The following CYFIP2 variants were observed in gnomAD, a reference collection of about 807,000 sequenced individuals.
CYFIP2 encodes cytoplasmic FMR1-interacting protein 2.
In CYFIP2, 29 loss-of-function variants were observed where a neutral mutation model predicts 158.7. The ratio of observed to expected loss-of-function variants is 0.18; its 90% CI spans 0.14 to 0.25. The LOEUF is 0.25. Ranked by LOEUF, CYFIP2 falls within the 10% of genes least tolerant of loss-of-function variation. CYFIP2 has a pLI of 1.00. For missense variants in CYFIP2, 852 were observed against 1,639.5 expected (o/e 0.52, Z 8.29); for synonymous variants, 585 against 617.6 (o/e 0.95, Z 0.78).
intron 25 of CYFIP2, 117 bp downstream of exon 25, chr5:157,360,489 C>A: frequency 1.4e-6 from 1 of 701,978 alleles, no homozygotes; most frequent in Non-Finnish European, 2.3e-6. Flanking sequence ...TACTGGCTAT[C>A]CATCCTACCC....
chr5:157,328,054 GA>G lies in CYFIP2; in HGVS notation c.2156+8del, dbSNP rs780834816. 9.3e-6 allele frequency: 15 copies of G among 1,613,434 alleles called. No individual in the cohort carries two copies. The highest frequency in any genetic ancestry group is 4.0e-5 in the African/African-American group (3 of 74,908). On this transcript the variant is annotated splice_donor_region_variant and intron_variant, in intron 19 of 30. Transcript: ENST00000620254. Reference sequence around the variant, plus strand: ...CTACAAAGCCATGGCTGGCAGGTAGGAAAGCCCCAGAGCTGTGAGTAGCAAT... The same window carrying G: ...CTACAAAGCCATGGCTGGCAGGTAGGAAGCCCCAGAGCTGTGAGTAGCAAT...
chr5:157,370,820 GAAT>G (rs540153956), intron 26 of CYFIP2, among the ~76,000 whole-genome samples: 44 of 152,196 alleles, frequency 2.9e-4, no homozygotes, highest in Admixed American at 4.6e-4. Context: ...TTCTGATCCA[GAAT>G]AATAATTCTA....
At position 157,393,214 on chromosome 5, in the gene CYFIP2, A is replaced by G. The variant is rs1767490492; in HGVS notation, c.*214A>G. The G allele has an allele frequency of 2.3e-6, 1 of 441,630 alleles. No individual in the cohort carries two copies. Among genetic ancestry groups the G allele is most frequent in the Non-Finnish European group, 3.9e-6 (1 of 253,926 alleles). 27.4% of individuals were successfully genotyped at this position (441,630 alleles called of 1,614,324 possible). A position where few individuals can be genotyped will look rare whatever the true frequency, so the allele number is the denominator to read the frequency against. ...TTTCTCCATAGCATAAATGAAAAAA[A>G]AAAAAAAAAAGTAAACAGGGCAGTG... On this transcript the variant is annotated 3_prime_UTR_variant, in exon 31 of 31. Transcript: ENST00000620254.
intron 6 of CYFIP2, among the ~76,000 whole-genome samples, chr5:157,301,936 G>A (rs995864305): frequency 6.6e-6 from 1 of 152,124 alleles, no homozygotes; most frequent in African/African-American, 2.4e-5. Flanking sequence ...AAAACAGACT[G>A]ATTCTCACAA....
At chr5:157,366,957 C>T (rs1764430662) in intron 26 of CYFIP2, among the ~76,000 whole-genome samples, 1 of 152,192 alleles carries the variant, frequency 6.6e-6, no homozygotes, top group South Asian at 2.1e-4. Flanking sequence ...AGGCCTGAGT[C>T]CCCCGGGAAG....
intron 9 of CYFIP2, among the ~76,000 whole-genome samples, chr5:157,308,372 C>T (rs17051926): frequency 0.13 from 20,359 of 152,102 alleles, 2,190 homozygotes; most frequent in African/African-American, 0.28. Context: ...GGATAGAATG[C>T]CTCAGCAACG....
chr5:157,328,524 T>C (rs575861751), intron 19 of CYFIP2, among the ~76,000 whole-genome samples: 1 of 152,310 alleles, frequency 6.6e-6, no homozygotes, highest in Admixed American at 6.5e-5. Context: ...GATAACAGCA[T>C]GCCAACTTCA....
At chr5:157,385,644 G>A (rs541730361) in intron 28 of CYFIP2, among the ~76,000 whole-genome samples, 3 of 152,204 alleles carry the variant, frequency 2.0e-5, no homozygotes, top group African/African-American at 4.8e-5. Flanking sequence ...ATTATCTAGT[G>A]CAAGCCATTT....
chr5:157,323,871 C>T (rs554621236), intron 15 of CYFIP2, 50 bp from the exon 16 acceptor site: 68 of 1,456,604 alleles, frequency 4.7e-5, no homozygotes, highest in South Asian at 9.9e-5. Context: ...CCTTTTTCCC[C>T]GGGGTAGAGG....
At chr5:157,307,433 A>G (rs1265037116) in intron 8 of CYFIP2, among the ~76,000 whole-genome samples, 3 of 152,168 alleles carry the variant, frequency 2.0e-5, no homozygotes, top group African/African-American at 7.2e-5. Context: ...TTCCTCATCT[A>G]TAGAATAAGG....
intron 29 of CYFIP2, 27 bp from the exon 30 acceptor site, chr5:157,390,494 C>A: frequency 7.2e-7 from 1 of 1,392,270 alleles, no homozygotes; most frequent in Non-Finnish European, 9.7e-7. Context: ...ACCTCTCACT[C>A]CAGCTGCTTC....
intron 12 of CYFIP2, 87 bp downstream of exon 12, chr5:157,314,550 A>G (rs1202416541): frequency 5.4e-6 from 8 of 1,495,040 alleles, no homozygotes; most frequent in Admixed American, 2.3e-5. Context: ...TCTTTTTAAC[A>G]GATTTACGGA....
At chr5:157,297,852 T>G (rs28678077) in intron 5 of CYFIP2, among the ~76,000 whole-genome samples, 218 of 152,292 alleles carry the variant, frequency 1.4e-3, no homozygotes, top group African/African-American at 4.9e-3. Context: ...CGAGACAACA[T>G]GAAAAATTCA....
chr5:157,339,958 C>T (rs10035097), intron 22 of CYFIP2, among the ~76,000 whole-genome samples: 70,639 of 151,964 alleles, frequency 0.46, 18,258 homozygotes, highest in African/African-American at 0.71. Context: ...TTTTATTAAC[C>T]CTGAAAGAGT....
At chr5:157,376,563 TTC>T in intron 26 of CYFIP2, 1 of 156,908 alleles carries the variant, frequency 6.4e-6, no homozygotes, top group Non-Finnish European at 1.4e-5. Context: ...TCTTCCCTAT[TTC>T]TGACTTGAAA....
At chr5:157,319,391 C>T (rs540605370) in intron 13 of CYFIP2, among the ~76,000 whole-genome samples, 2 of 152,210 alleles carry the variant, frequency 1.3e-5, no homozygotes, top group Non-Finnish European at 2.9e-5. Context: ...TATGGAGAGG[C>T]CTTCAAAAGC....
chr5:157,322,814 C>T lies in CYFIP2; in HGVS notation c.1672-1107C>T, dbSNP rs567462751. The T allele has an allele frequency of 2.4e-4, 230 of 948,708 alleles. 5 individuals carry two copies. In the South Asian group the frequency reaches 3.5e-3, roughly 14 times the overall value. The allele number at this position is 948,708 out of a possible 1,614,324, so 58.8% of individuals were successfully genotyped here. On this transcript the variant is annotated intron_variant, in intron 15 of 30. Transcript: ENST00000620254. ...TGTCTCAGAGGTGGCCCCCGGCAGT[C>T]GCGGCGGCTTTCCCACCGTATACAA...
chr5:157,390,311 TG>T (rs1408405847), intron 29 of CYFIP2, among the ~76,000 whole-genome samples: 1 of 152,114 alleles, frequency 6.6e-6, no homozygotes, highest in Non-Finnish European at 1.5e-5. Flanking sequence ...ATGTAATTTG[TG>T]GCCGGAAGGA....
In CYFIP2 at chr5:157,343,614, C is replaced by A. The variant is rs528021109; in HGVS notation, c.2673+2457C>A. The A allele has an allele frequency of 2.1e-5, 25 of 1,213,556 alleles. No homozygotes were observed. In the East Asian group the frequency reaches 5.8e-4, roughly 28 times the overall value. The allele number at this position is 1,213,556 out of a possible 1,614,324, so 75.2% of individuals were successfully genotyped here. A position where few individuals can be genotyped will look rare whatever the true frequency, so the allele number is the denominator to read the frequency against. ...ATGTATTTATCATAATCATAGCCAC[C>A]ATTTATTGCACATTTGAGACGGGCA... On this transcript the variant is annotated intron_variant, in intron 23 of 30. Coordinates refer to ENST00000620254, the MANE Select transcript of CYFIP2 (RefSeq NM_001037333.3).
Sources: gnomAD v4.1 joint callset for allele counts (sites outside exome capture counted in the v4.1 genomes callset) on GRCh38, gnomAD v4.1.1 for gene constraint, MANE v1.5 for transcripts, NCBI Gene and HGNC (gene_info 2026-07-23, HGNC 2026-07-21) for gene names.